The following EPHA5 variants were observed in gnomAD, a reference collection of about 807,000 sequenced individuals.
The protein encoded by EPHA5 is ephrin type-A receptor 5.
In EPHA5, 60 loss-of-function variants were observed where a neutral mutation model predicts 105.0. The ratio of observed to expected loss-of-function variants is 0.57; its 90% CI spans 0.46 to 0.71. EPHA5 has a LOEUF of 0.71. EPHA5 is among the 30% of genes least tolerant of loss of function. The pLI is 0.00. For synonymous variants in EPHA5, 513 were observed against 449.1 expected (o/e 1.14, Z -1.80); for missense variants, 1,218 against 1,274.7 (o/e 0.96, Z 0.68).
chr4:65,663,724 T>G (rs534815447), intron 1 of EPHA5, among the ~76,000 whole-genome samples: 2 of 152,116 alleles, frequency 1.3e-5, no homozygotes, highest in Non-Finnish European at 2.9e-5. Context: ...TAATAGGAAT[T>G]TAAAAAATAG....
chr4:65,331,394 G>A, intron 16 of EPHA5: 1 of 1,043,868 alleles, frequency 9.6e-7, no homozygotes, highest in Non-Finnish European at 1.2e-6. Flanking sequence ...AAACAGAAAA[G>A]GGCACAATTG....
chr4:65,645,143 C>G (rs1315281771), intron 1 of EPHA5, among the ~76,000 whole-genome samples: 1 of 152,042 alleles, frequency 6.6e-6, no homozygotes, highest in Non-Finnish European at 1.5e-5. Context: ...CCATACTCTT[C>G]TTTTTACTTT....
At chr4:65,356,928 T>G (rs951990685) in intron 11 of EPHA5, among the ~76,000 whole-genome samples, 1 of 151,374 alleles carries the variant, frequency 6.6e-6, no homozygotes, top group Non-Finnish European at 1.5e-5. Flanking sequence ...CAGCTTGAAG[T>G]ACAGACAAAG....
chr4:65,337,015 G>A (rs1238264190), intron 14 of EPHA5, among the ~76,000 whole-genome samples: 1 of 151,866 alleles, frequency 6.6e-6, no homozygotes, highest in East Asian at 1.9e-4. Flanking sequence ...AAAGAATTCA[G>A]AATTGATTTG....
intron 5 of EPHA5, among the ~76,000 whole-genome samples, chr4:65,436,260 A>G (rs1560534566): frequency 6.6e-6 from 1 of 151,974 alleles, no homozygotes; most frequent in Non-Finnish European, 1.5e-5. Context: ...GATGATTTGT[A>G]TTCTTAAGAC....
intron 5 of EPHA5, among the ~76,000 whole-genome samples, chr4:65,420,995 AT>A (rs1723894864): frequency 6.6e-6 from 1 of 152,050 alleles, no homozygotes; most frequent in South Asian, 2.1e-4. Flanking sequence ...TACATTTGAA[AT>A]TACATGGATC....
chr4:65,498,898 C>G (rs963144123), intron 3 of EPHA5, among the ~76,000 whole-genome samples: 8 of 151,692 alleles, frequency 5.3e-5, no homozygotes, highest in East Asian at 1.9e-4. Context: ...AATCATGACC[C>G]TAAATTCCAA....
intron 6 of EPHA5, among the ~76,000 whole-genome samples, chr4:65,415,562 TTCTC>T (rs1316381466): frequency 6.6e-6 from 1 of 151,994 alleles, no homozygotes; most frequent in Non-Finnish European, 1.5e-5. Context: ...AGGTCCAAAA[TTCTC>T]TCTAAATAGG....
At chr4:65,506,518 C>A (rs1223728417) in intron 3 of EPHA5, among the ~76,000 whole-genome samples, 1 of 145,250 alleles carries the variant, frequency 6.9e-6, no homozygotes, top group African/African-American at 2.5e-5. Context: ...CCTGTTGTTT[C>A]CTGACTTTTT....
intron 10 of EPHA5, 146 bp from the exon 11 acceptor site, chr4:65,365,348 G>A: frequency 1.5e-6 from 1 of 676,506 alleles, no homozygotes; most frequent in Non-Finnish European, 2.5e-6. Context: ...AGTCAGAAAA[G>A]GGTAGTCTAC....
intron 5 of EPHA5, among the ~76,000 whole-genome samples, chr4:65,433,530 G>A (rs1342883199): frequency 6.6e-6 from 1 of 152,060 alleles, no homozygotes; most frequent in African/African-American, 2.4e-5. Context: ...ACACAGCCTT[G>A]CCAAAGTATC....
intron 5 of EPHA5, among the ~76,000 whole-genome samples, chr4:65,445,624 A>G (rs1281219808): frequency 2.0e-5 from 3 of 152,166 alleles, no homozygotes; most frequent in African/African-American, 7.2e-5. Flanking sequence ...ATCGGTTGCT[A>G]TCTAAAATTT....
chr4:65,421,356 A>G (rs552901496), intron 5 of EPHA5, among the ~76,000 whole-genome samples: 2 of 152,282 alleles, frequency 1.3e-5, no homozygotes, highest in African/African-American at 4.8e-5. Flanking sequence ...ATGGCAACAT[A>G]GAATAGTAAT....
intron 8 of EPHA5, among the ~76,000 whole-genome samples, chr4:65,376,807 C>CA (rs1719050393): frequency 6.6e-6 from 1 of 151,986 alleles, no homozygotes; most frequent in African/African-American, 2.4e-5. Context: ...GAATGCTTGA[C>CA]ATAGGGATGA....
intron 5 of EPHA5, among the ~76,000 whole-genome samples, chr4:65,481,682 G>A (rs879504823): frequency 2.6e-5 from 4 of 152,254 alleles, no homozygotes; most frequent in East Asian, 1.9e-4. Flanking sequence ...TTGAATATGA[G>A]ACTTGCAAGA....
chr4:65,505,427 T>C (rs1257079693), intron 3 of EPHA5, among the ~76,000 whole-genome samples: 1 of 152,074 alleles, frequency 6.6e-6, no homozygotes, highest in Non-Finnish European at 1.5e-5. Flanking sequence ...CACTGTCAAA[T>C]GAGTTTAATA....
intron 10 of EPHA5, 127 bp from the exon 11 acceptor site, chr4:65,365,329 AC>A: frequency 1.3e-6 from 1 of 790,998 alleles, no homozygotes; most frequent in Non-Finnish European, 2.0e-6. Flanking sequence ...AAACAAACAA[AC>A]AAAAAGCAGT....
chr4:65,405,097 A>C (rs896214), intron 7 of EPHA5, among the ~76,000 whole-genome samples: 121,685 of 152,080 alleles, frequency 0.8, 49,099 homozygotes, highest in South Asian at 0.92. Flanking sequence ...AGTATAGAAA[A>C]CTATCTTACG....
At chr4:65,343,100 C>T (rs1368108367) in intron 14 of EPHA5, among the ~76,000 whole-genome samples, 1 of 152,024 alleles carries the variant, frequency 6.6e-6, no homozygotes, top group Admixed American at 6.6e-5. Flanking sequence ...ATATACTCTG[C>T]AATAAATATA....
Sources: gnomAD v4.1 joint callset for allele counts (sites outside exome capture counted in the v4.1 genomes callset) on GRCh38, gnomAD v4.1.1 for gene constraint, MANE v1.5 for transcripts, NCBI Gene and HGNC (gene_info 2026-07-23, HGNC 2026-07-21) for gene names.